CCDC180: variants seen among roughly 807,000 people sequenced by gnomAD.
CCDC180 encodes coiled-coil domain containing 180.
A neutral mutation model predicts 209.2 loss-of-function variants in CCDC180; 154 were observed. That is an observed-to-expected ratio of 0.74 (90% CI 0.65 to 0.84). The LOEUF (loss-of-function observed/expected upper bound fraction) is 0.84. CCDC180 is among the 40% of genes least tolerant of loss of function. CCDC180 has a pLI of 0.00. For synonymous variants in CCDC180, 778 were observed against 749.1 expected, an observed-to-expected ratio of 1.04 and a Z score of -0.63; for missense variants, 1,874 against 1,997.3, an observed-to-expected ratio of 0.94 and a Z score of 1.18.
chr9:97,375,331 T>G, intron 35 of CCDC180, 123 bp from the exon 36 acceptor site: 2 of 1,305,092 alleles, frequency 1.5e-6, no homozygotes, highest in Non-Finnish European at 2.1e-6. Flanking sequence ...TTTCTTTTCA[T>G]TAAGATATTT....
At position 97,362,333 on chromosome 9, in the gene CCDC180, GCTC is replaced by G. The variant is rs774640567; in HGVS notation, c.3797_3799del (p.Ser1266del). 4.3e-6 allele frequency: 7 copies of G among 1,614,116 alleles called. No individual in the cohort carries two copies. The South Asian group carries it at 7.7e-5, about 18-fold the overall frequency. The stretch of plus-strand genomic sequence containing the variant: ...GCTGTGTGCTCACCTCCTGTCCTCT[GCTC>G]CTGTCCTGGGCCCTCGTCACCCAAA... On this transcript the variant is annotated inframe_deletion, in exon 28 of 37. Transcript: ENST00000529487.
At chr9:97,309,784 C>A (rs547247520) in intron 3 of CCDC180, among the ~76,000 whole-genome samples, 180 bp downstream of exon 3, 1 of 152,194 alleles carries the variant, frequency 6.6e-6, no homozygotes, top group African/African-American at 2.4e-5. Flanking sequence ...CCCATTCCCC[C>A]ACTCCCACAG....
chr9:97,352,028 G>T (rs895936270), intron 22 of CCDC180, among the ~76,000 whole-genome samples: 1 of 152,090 alleles, frequency 6.6e-6, no homozygotes, highest in African/African-American at 2.4e-5. Context: ...TAGGAGAATT[G>T]CTTGAACCTG....
At chr9:97,345,064 T>C (rs1826207795) in intron 19 of CCDC180, among the ~76,000 whole-genome samples, 1 of 150,754 alleles carries the variant, frequency 6.6e-6, no homozygotes, top group African/African-American at 2.5e-5. Context: ...TAGTATCCCG[T>C]TATAAAAAAA....
Position 97,318,588 on chromosome 9 carries a change from G to C in CCDC180, c.1079+6G>C. Reference sequence around the variant, plus strand: ...AAGCATCTCTGCACCATCTGGTATGGGCAGGAGGGGCGGCCCAGGAGGGGT... The same window carrying C: ...AAGCATCTCTGCACCATCTGGTATGCGCAGGAGGGGCGGCCCAGGAGGGGT... On this transcript the variant is annotated splice_donor_region_variant and intron_variant, in intron 10 of 36. Transcript: ENST00000529487. The C allele has an allele frequency of 1.9e-6, 3 of 1,611,432 alleles. No homozygotes were observed. The highest frequency in any genetic ancestry group is 2.5e-6 in the Non-Finnish European group (3 of 1,179,408).
intron 19 of CCDC180, chr9:97,345,538 A>G (rs1358325299): frequency 4.9e-6 from 2 of 409,008 alleles, no homozygotes; most frequent in Middle Eastern, 7.7e-4. Context: ...TCTTTTGCCT[A>G]TTATTTTTCT....
chr9:97,376,622 A>C, intron 36 of CCDC180, 141 bp from the exon 37 acceptor site: 4 of 825,310 alleles, frequency 4.8e-6, no homozygotes, highest in Non-Finnish European at 5.7e-6. Context: ...CCTGGTTTCT[A>C]CCTGAGAAGT....
intron 18 of CCDC180, among the ~76,000 whole-genome samples, chr9:97,340,800 G>A (rs886752169): frequency 3.3e-5 from 5 of 152,138 alleles, no homozygotes; most frequent in African/African-American, 1.2e-4. Context: ...AGGAAAGGGA[G>A]TCTCCCTTTC....
At chr9:97,310,651 C>T (rs1404657870) in intron 3 of CCDC180, among the ~76,000 whole-genome samples, 1 of 152,138 alleles carries the variant, frequency 6.6e-6, no homozygotes, top group Non-Finnish European at 1.5e-5. Flanking sequence ...GAAAGCAGGC[C>T]TCCGCTGCCT....
Position 97,375,534 on chromosome 9 carries a change from C to T in CCDC180, c.4787C>T (p.Thr1596Ile). ...LLQPTSSIST[T>I]KTTLGHLAAV... ...CAGCCAACATCATCGATTTCCACCA[C>T]CAAAACCACCCTGGGCCACCTGGCG... The change falls in exon 36 of 37, where the codon ACC (threonine) becomes ATC (isoleucine). Residue 1596 changes from threonine to isoleucine, a missense_variant. Physicochemically the swap from Thr to Ile is moderately conservative, Grantham distance 89. Coordinates refer to ENST00000529487, the MANE Select transcript of CCDC180 (RefSeq NM_020893.6). 1 of 1,614,218 alleles carries T rather than the reference C, an allele frequency of 6.2e-7. No homozygotes were observed. The highest frequency in any genetic ancestry group is 1.1e-5 in the South Asian group (1 of 91,078).
intron 36 of CCDC180, 163 bp from the exon 37 acceptor site, chr9:97,376,600 C>T (rs946282793): frequency 8.7e-6 from 6 of 687,008 alleles, no homozygotes; most frequent in African/African-American, 1.8e-5. Flanking sequence ...ATGGGGAAAA[C>T]AACTAGGACT....
rs768247040 is a variant in CCDC180 at position 97,328,071 on chromosome 9, G to C, written c.1713G>C (p.Ala571=). 1.2e-6 allele frequency: 2 copies of C among 1,614,012 alleles called. No individual in the cohort carries two copies. Among genetic ancestry groups the C allele is most frequent in the South Asian group, 1.1e-5 (1 of 91,048 alleles). The part of the protein sequence containing the change: ...LLTKEVMEYP[A]IMLKELNSYS... Reference sequence around the variant, plus strand: ...CAAAGGAAGTGATGGAGTACCCAGCGATCATGCTGAAAGAACTCAACTCCT... The same window carrying C: ...CAAAGGAAGTGATGGAGTACCCAGCCATCATGCTGAAAGAACTCAACTCCT... The change falls in exon 16 of 37, where the codon GCG becomes GCC. Residue 571 remains alanine, a synonymous_variant. Coordinates refer to ENST00000529487, the MANE Select transcript of CCDC180 (RefSeq NM_020893.6).
At chr9:97,362,945 C>T (rs1207294532) in intron 28 of CCDC180, among the ~76,000 whole-genome samples, 4 of 152,138 alleles carry the variant, frequency 2.6e-5, no homozygotes, top group Admixed American at 6.5e-5. Context: ...TTTGAGCATG[C>T]GTGCTGTGTG....
intron 1 of CCDC180, 80 bp downstream of exon 1, chr9:97,307,886 C>T: frequency 1.9e-6 from 3 of 1,598,414 alleles, no homozygotes; most frequent in South Asian, 2.2e-5. Context: ...GAGAGTCCTT[C>T]CCCGGGGAGT....
chr9:97,307,731 C>T lies in CCDC180; in HGVS notation c.-157C>T. 1 of 1,614,010 alleles carries T rather than the reference C, an allele frequency of 6.2e-7. No individual in the cohort carries two copies. Among genetic ancestry groups the T allele is most frequent in the Non-Finnish European group, 8.5e-7 (1 of 1,179,864 alleles). The stretch of plus-strand genomic sequence containing the variant: ...GCAATAATCCTGTATTATTCGCGTT[C>T]CCAGAGTCCCTTCGGATTTGCGCCA... On this transcript the variant is annotated 5_prime_UTR_variant, in exon 1 of 37. Transcript: ENST00000529487.
chr9:97,313,335 A>C lies in CCDC180; in HGVS notation c.449A>C (p.Gln150Pro). Residue 150 changes from glutamine (Q) to proline (P), a missense_variant, in exon 5 of 37, where the codon CAG becomes CCG. Physicochemically the swap from Gln to Pro is moderately conservative, Grantham distance 76. Coordinates refer to ENST00000529487, the MANE Select transcript of CCDC180 (RefSeq NM_020893.6). Reference sequence around the variant, plus strand: ...GCCAGCTTTCAGGAGGAGATTGCGCAGGTGGGAAAGGTGAGAATCCTCCCT... The same window carrying C: ...GCCAGCTTTCAGGAGGAGATTGCGCCGGTGGGAAAGGTGAGAATCCTCCCT... ...ALASFQEEIA[Q>P]VGKEMEPLIV... 1 of 1,608,448 alleles carries C rather than the reference A, an allele frequency of 6.2e-7. No homozygotes were observed. The highest frequency in any genetic ancestry group is 8.5e-7 in the Non-Finnish European group (1 of 1,175,610).
chr9:97,309,517 C>G lies in CCDC180; in HGVS notation c.173C>G (p.Pro58Arg), dbSNP rs149588398. The G allele has an allele frequency of 5.6e-5, 90 of 1,604,248 alleles. No homozygotes were observed. Among genetic ancestry groups the G allele is most frequent in the Middle Eastern group, 3.3e-4 (2 of 6,046 alleles). Residue 58 changes from proline to arginine, a missense_variant, in exon 3 of 37, where the codon CCT becomes CGT. Transcript: ENST00000529487. ...RIPMMKKVET[P>R]EGEVMSPRQQ... Reference sequence around the variant, plus strand: ...CCCATGATGAAGAAGGTGGAGACTCCTGAAGGGGAGGTGATGTCTCCCCGA... The same window carrying G: ...CCCATGATGAAGAAGGTGGAGACTCGTGAAGGGGAGGTGATGTCTCCCCGA...
At chr9:97,346,509 G>A (rs1420028981) in intron 19 of CCDC180, among the ~76,000 whole-genome samples, 4 of 152,166 alleles carry the variant, frequency 2.6e-5, no homozygotes, top group Non-Finnish European at 5.9e-5. Flanking sequence ...CATGTCCCTA[G>A]TATATGAAGA....
intron 18 of CCDC180, among the ~76,000 whole-genome samples, chr9:97,331,933 C>A (rs1348258520): frequency 1.3e-5 from 2 of 152,042 alleles, no homozygotes; most frequent in East Asian, 3.8e-4. Flanking sequence ...TTGTTTTTGT[C>A]GCAATTGCTT....
Sources: gnomAD v4.1 joint callset for allele counts (sites outside exome capture counted in the v4.1 genomes callset) on GRCh38, gnomAD v4.1.1 for gene constraint, MANE v1.5 for transcripts, NCBI Gene and HGNC (gene_info 2026-07-23, HGNC 2026-07-21) for gene names.